The following GRID2 variants were observed in gnomAD, a reference collection of about 807,000 sequenced individuals.
The protein encoded by GRID2 is glutamate receptor ionotropic, delta-2.
A neutral mutation model predicts 114.8 loss-of-function variants in GRID2; 33 were observed. That is an observed-to-expected ratio of 0.29 (90% CI 0.22 to 0.38). The LOEUF (loss-of-function observed/expected upper bound fraction) is 0.38. Ranked by LOEUF, GRID2 falls within the 10% of genes least tolerant of loss-of-function variation. The pLI is 1.00. For synonymous variants in GRID2, 505 were observed against 449.9 expected (o/e 1.12, Z -1.55); for missense variants, 1,184 against 1,257.7 (o/e 0.94, Z 0.89).
At chr4:93,153,339 A>C (rs1427957754) in intron 4 of GRID2, among the ~76,000 whole-genome samples, 2 of 152,040 alleles carry the variant, frequency 1.3e-5, no homozygotes, top group African/African-American at 4.8e-5. Flanking sequence ...TCGGACTTTC[A>C]TTTTGAGGGC....
chr4:92,613,814 T>A (rs1262204895), intron 2 of GRID2, among the ~76,000 whole-genome samples: 1 of 151,508 alleles, frequency 6.6e-6, no homozygotes, highest in Non-Finnish European at 1.5e-5. Flanking sequence ...TAGTGATTTT[T>A]CTCCTTTGTG....
intron 8 of GRID2, among the ~76,000 whole-genome samples, chr4:93,255,584 A>G (rs1202360240): frequency 1.3e-5 from 2 of 152,094 alleles, no homozygotes; most frequent in Non-Finnish European, 2.9e-5. Flanking sequence ...TCTCACTGGA[A>G]TAAGTGAGTT....
In GRID2 at chr4:92,933,201, T is replaced by C. The variant is rs1401907287; in HGVS notation, c.245-151794T>C. Among the ~76,000 whole-genome samples the C allele has an allele frequency of 2.6e-5, 4 of 150,960 alleles. No individual in the cohort carries two copies. In the East Asian group the frequency reaches 7.7e-4, roughly 29 times the overall value. On this transcript the variant is annotated intron_variant, in intron 2 of 15. Transcript: ENST00000282020. ...TAATGTTTCCCTTAAATTTTACCTC[T>C]TAATCGGATTACTGTGGAAATATAT...
intron 4 of GRID2, among the ~76,000 whole-genome samples, chr4:93,126,030 T>C (rs1378602584): frequency 6.6e-6 from 1 of 152,240 alleles, no homozygotes; most frequent in Non-Finnish European, 1.5e-5. Context: ...GACGTACATC[T>C]ACTGATCCAA....
intron 8 of GRID2, among the ~76,000 whole-genome samples, chr4:93,293,493 GTT>G (rs1753962742): frequency 6.6e-6 from 1 of 152,112 alleles, no homozygotes; most frequent in Admixed American, 6.5e-5. Context: ...GTGTTACAGT[GTT>G]GTTCTAAGAC....
intron 2 of GRID2, among the ~76,000 whole-genome samples, chr4:92,828,567 C>A (rs1741890297): frequency 6.6e-6 from 1 of 151,954 alleles, no homozygotes; most frequent in Admixed American, 6.6e-5. Context: ...TGCTTTATAG[C>A]CCTGAAGAAA....
chr4:92,443,495 G>A (rs531178357), intron 1 of GRID2, among the ~76,000 whole-genome samples: 30 of 151,454 alleles, frequency 2.0e-4, no homozygotes, highest in East Asian at 2.0e-3. Flanking sequence ...GAGGGAAGGG[G>A]TTTGGGGGTT....
At chr4:93,715,130 G>GTTTCAATTT (rs1203759076) in intron 14 of GRID2, among the ~76,000 whole-genome samples, 2 of 152,200 alleles carry the variant, frequency 1.3e-5, no homozygotes, top group African/African-American at 4.8e-5. Context: ...AAGGGGTCCA[G>GTTTCAATTT]TTTCAATTTT....
intron 8 of GRID2, among the ~76,000 whole-genome samples, chr4:93,384,389 T>C (rs571621826): frequency 7.8e-4 from 119 of 152,258 alleles, no homozygotes; most frequent in African/African-American, 2.5e-3. Context: ...GCTCTGCTTT[T>C]TCTTATCATT....
At chr4:92,856,770 G>A (rs1348892299) in intron 2 of GRID2, among the ~76,000 whole-genome samples, 3 of 152,176 alleles carry the variant, frequency 2.0e-5, no homozygotes, top group East Asian at 1.9e-4. Flanking sequence ...TTTTATGTAC[G>A]GACATTGTTA....
intron 1 of GRID2, among the ~76,000 whole-genome samples, chr4:93,780,481 T>C (rs920239871): frequency 3.9e-5 from 6 of 152,224 alleles, no homozygotes; most frequent in African/African-American, 1.4e-4. Context: ...TTATTCTGCA[T>C]GGGTTGGGAA....
intron 8 of GRID2, among the ~76,000 whole-genome samples, chr4:93,277,973 T>C (rs1030709347): frequency 2.0e-5 from 3 of 151,966 alleles, no homozygotes; most frequent in Non-Finnish European, 2.9e-5. Flanking sequence ...AGGATTTCCA[T>C]AATTAGAGAA....
At chr4:92,643,477 T>C (rs183433063) in intron 2 of GRID2, among the ~76,000 whole-genome samples, 1 of 151,938 alleles carries the variant, frequency 6.6e-6, no homozygotes, top group East Asian at 1.9e-4. Flanking sequence ...TAAACAACTT[T>C]TGAAAGTTTT....
At chr4:93,747,053 A>C (rs1369864475) in intron 14 of GRID2, among the ~76,000 whole-genome samples, 1 of 152,100 alleles carries the variant, frequency 6.6e-6, no homozygotes, top group African/African-American at 2.4e-5. Flanking sequence ...TTTCAAAAAA[A>C]AATCTGTGCC....
chr4:92,714,184 C>G (rs912481649), intron 2 of GRID2, among the ~76,000 whole-genome samples: 4 of 152,164 alleles, frequency 2.6e-5, no homozygotes, highest in African/African-American at 7.2e-5. Context: ...GGGCTAGAGG[C>G]CCCATGTACG....
intron 14 of GRID2, among the ~76,000 whole-genome samples, chr4:93,698,056 A>G (rs1056504322): frequency 3.2e-4 from 49 of 151,928 alleles, no homozygotes; most frequent in Non-Finnish European, 6.0e-4. Flanking sequence ...CAAAACTCTT[A>G]ATTATAACTC....
intron 2 of GRID2, among the ~76,000 whole-genome samples, chr4:92,919,109 T>C (rs576762607): frequency 6.6e-6 from 1 of 152,178 alleles, no homozygotes; most frequent in African/African-American, 2.4e-5. Flanking sequence ...AATTTATCCA[T>C]TTTTTCTAGA....
intron 1 of GRID2, among the ~76,000 whole-genome samples, chr4:92,443,262 C>G (rs534345366): frequency 9.2e-5 from 14 of 152,284 alleles, no homozygotes; most frequent in African/African-American, 3.4e-4. Flanking sequence ...TGGAAAAATT[C>G]AAAGTGCCAT....
At chr4:93,341,483 C>T (rs948104023) in intron 8 of GRID2, among the ~76,000 whole-genome samples, 13 of 152,174 alleles carry the variant, frequency 8.5e-5, no homozygotes, top group Admixed American at 7.9e-4. Context: ...CCACCACGCC[C>T]GGCTCATTTT....
Sources: allele counts gnomAD v4.1 joint callset (sites outside exome capture counted in the v4.1 genomes callset), GRCh38; gene constraint gnomAD v4.1.1; transcripts MANE v1.5; gene names NCBI Gene and HGNC (gene_info 2026-07-23, HGNC 2026-07-21).